The following BAZ1B variants were observed in gnomAD, a reference collection of about 807,000 sequenced individuals.
The protein encoded by BAZ1B is bromodomain adjacent to zinc finger domain 1B.
BAZ1B carries 22 observed loss-of-function variants against 153.8 expected under a neutral mutation model. The ratio of observed to expected loss-of-function variants is 0.14; its 90% CI spans 0.10 to 0.20. BAZ1B has a LOEUF of 0.20. Ranked by LOEUF, BAZ1B falls within the 10% of genes least tolerant of loss-of-function variation. The pLI is 1.00. For missense variants in BAZ1B, 1,325 were observed against 1,799.3 expected (o/e 0.74, Z 4.77); for synonymous variants, 676 against 633.4 (o/e 1.07, Z -1.01).
At chr7:73,480,727 T>G (rs941965531) in intron 6 of BAZ1B, among the ~76,000 whole-genome samples, 3 of 152,066 alleles carry the variant, frequency 2.0e-5, no homozygotes, top group Non-Finnish European at 4.4e-5. Flanking sequence ...GTTAGGCTAG[T>G]TTGAGATGAG....
At chr7:73,445,977 C>T (rs1787819529) in intron 16 of BAZ1B, among the ~76,000 whole-genome samples, 1 of 152,154 alleles carries the variant, frequency 6.6e-6, no homozygotes, top group African/African-American at 2.4e-5. Context: ...TTCACTTACC[C>T]TAGGATACCT....
intron 6 of BAZ1B, among the ~76,000 whole-genome samples, chr7:73,483,435 G>A (rs1554573998): frequency 1.3e-5 from 2 of 152,078 alleles, no homozygotes; most frequent in Non-Finnish European, 2.9e-5. Context: ...AGAACTCTGA[G>A]GACAACACTC....
rs567197673 is a variant in BAZ1B at position 73,445,172 on chromosome 7, C to T, written c.3845-1043G>A. Among the ~76,000 whole-genome samples, 52 of 152,324 alleles carry T rather than the reference C, an allele frequency of 3.4e-4. No individual in the cohort carries two copies. In the South Asian group the frequency reaches 7.2e-3, roughly 21 times the overall value. On this transcript the variant is annotated intron_variant, in intron 16 of 19. Coordinates refer to ENST00000339594, the MANE Select transcript of BAZ1B (RefSeq NM_032408.4). ...GATTTAGCTCCAGGCTCTCCACCACCTTCCCTTGGGGAGTGGGGAGATGAC... is the reference window on the plus strand; with the variant it reads ...GATTTAGCTCCAGGCTCTCCACCACTTTCCCTTGGGGAGTGGGGAGATGAC...
intron 3 of BAZ1B, among the ~76,000 whole-genome samples, chr7:73,500,846 G>A (rs185899704): frequency 1.3e-5 from 2 of 150,200 alleles, no homozygotes; most frequent in African/African-American, 2.5e-5. Flanking sequence ...AGCCGAGATC[G>A]CGCCATTGCA....
chr7:73,444,164 C>T (rs557387252), intron 16 of BAZ1B, 35 bp from the exon 17 acceptor site: 33 of 1,551,482 alleles, frequency 2.1e-5, no homozygotes, highest in Middle Eastern at 1.7e-4. Context: ...CAGAGAACAA[C>T]GGAAGGTGAA....
Position 73,522,068 on chromosome 7 carries a change from C to A in BAZ1B, c.-135G>T. On this transcript the variant is annotated 5_prime_UTR_variant, in exon 1 of 20. Transcript: ENST00000339594. The stretch of plus-strand genomic sequence containing the variant: ...GGGAGGGGTGAGAGGGCGGCGCGAA[C>A]TCCGGCTCCCTCACCGCCGGCGCGG... 1.9e-6 allele frequency: 1 copy of A among 536,640 alleles called. No individual in the cohort carries two copies. Among genetic ancestry groups the A allele is most frequent in the Non-Finnish European group, 2.8e-6 (1 of 353,716 alleles). The allele number at this position is 536,640 out of a possible 1,614,324, so 33.2% of individuals were successfully genotyped here. A position where few individuals can be genotyped will look rare whatever the true frequency, so the allele number is the denominator to read the frequency against.
At chr7:73,504,994 T>C (rs1790277616) in intron 3 of BAZ1B, among the ~76,000 whole-genome samples, 1 of 152,192 alleles carries the variant, frequency 6.6e-6, no homozygotes, top group South Asian at 2.1e-4. Context: ...CCCCATCAAG[T>C]ACTGGCTATT....
chr7:73,508,294 G>A, intron 3 of BAZ1B, 33 bp downstream of exon 3: 1 of 1,604,544 alleles, frequency 6.2e-7, no homozygotes, highest in African/African-American at 1.3e-5. Flanking sequence ...TAATTCTGAT[G>A]GTAAGTCAAA....
At chr7:73,497,766 G>C (rs900080958) in intron 4 of BAZ1B, among the ~76,000 whole-genome samples, 108 of 152,090 alleles carry the variant, frequency 7.1e-4, no homozygotes, top group Non-Finnish European at 1.5e-3. Flanking sequence ...TGTTGTTCAA[G>C]GGTGAGCTGT....
At chr7:73,466,225 T>C (rs1436627809) in intron 10 of BAZ1B, 71 bp downstream of exon 10, 4 of 1,118,658 alleles carry the variant, frequency 3.6e-6, no homozygotes, top group Non-Finnish European at 5.4e-6. Flanking sequence ...CTGGCATCAC[T>C]ATACTAAATA....
At chr7:73,505,480 T>C (rs782817194) in intron 3 of BAZ1B, among the ~76,000 whole-genome samples, 2 of 152,186 alleles carry the variant, frequency 1.3e-5, no homozygotes, top group Non-Finnish European at 2.9e-5. Flanking sequence ...ACTAAAGTGT[T>C]GTACCTCATG....
intron 8 of BAZ1B, 117 bp from the exon 9 acceptor site, chr7:73,469,767 A>T: frequency 3.3e-6 from 4 of 1,222,946 alleles, no homozygotes; most frequent in Admixed American, 3.9e-5. Context: ...CAGTTTACAG[A>T]ATTCTTCCTC....
rs202074654 is a variant in BAZ1B at position 73,442,594 on chromosome 7, C to T, written c.4095-41G>A. ...AAATGGAGAATCTGCACAGCCTTGA[C>T]GGCAGTGCCCCTGCCACTGAGACAC... On this transcript the variant is annotated intron_variant, in intron 18 of 19. Transcript: ENST00000339594. 1.1e-4 allele frequency: 172 copies of T among 1,567,012 alleles called. 2 individuals carry two copies. The highest frequency in any genetic ancestry group is 4.7e-4 in the East Asian group (21 of 44,448).
intron 16 of BAZ1B, among the ~76,000 whole-genome samples, chr7:73,445,481 A>C (rs1554566294): frequency 1.3e-5 from 2 of 152,178 alleles, no homozygotes; most frequent in Non-Finnish European, 2.9e-5. Context: ...AAAACTTAGA[A>C]AAGCAATTCC....
intron 6 of BAZ1B, among the ~76,000 whole-genome samples, chr7:73,479,506 C>A (rs1463260958): frequency 8.9e-5 from 11 of 123,150 alleles, no homozygotes; most frequent in African/African-American, 3.1e-4. Context: ...AGACCCCCGT[C>A]TCAAAAAAAA....
At position 73,522,013 on chromosome 7, in the gene BAZ1B, C is replaced by A. The variant is rs1791078934; in HGVS notation, c.-80G>T. On this transcript the variant is annotated 5_prime_UTR_variant, in exon 1 of 20. Transcript: ENST00000339594. ...ACTAGGCCCCGCGGCCCGGAGCGAG[C>A]GCCAGGCGCCCGGGGGTGGGGTGGG... 2.1e-5 allele frequency: 22 copies of A among 1,036,196 alleles called. No homozygotes were observed. Among genetic ancestry groups the A allele is most frequent in the Non-Finnish European group, 2.7e-5 (22 of 812,644 alleles). 64.2% of individuals were successfully genotyped at this position (1,036,196 alleles called of 1,614,324 possible). A position where few individuals can be genotyped will look rare whatever the true frequency, so the allele number is the denominator to read the frequency against.
At chr7:73,464,700 T>C (rs139099666) in intron 11 of BAZ1B, among the ~76,000 whole-genome samples, 1,911 of 152,250 alleles carry the variant, frequency 0.013, 43 homozygotes, top group African/African-American at 0.044. Flanking sequence ...TATTCCACTA[T>C]TTGAATATAC....
chr7:73,467,422 T>G (rs1341332351), intron 9 of BAZ1B, among the ~76,000 whole-genome samples: 1 of 152,158 alleles, frequency 6.6e-6, no homozygotes, highest in South Asian at 2.1e-4. Context: ...CAGGCTGCAG[T>G]GCAGTGGCGC....
At chr7:73,462,817 C>G in intron 12 of BAZ1B, 105 bp downstream of exon 12, 1 of 1,258,262 alleles carries the variant, frequency 7.9e-7, no homozygotes, top group Non-Finnish European at 1.1e-6. Flanking sequence ...ATCCAAACAT[C>G]TGATTTCCAG....
Sources: gnomAD v4.1 joint callset for allele counts (sites outside exome capture counted in the v4.1 genomes callset) on GRCh38, gnomAD v4.1.1 for gene constraint, MANE v1.5 for transcripts, NCBI Gene and HGNC (gene_info 2026-07-23, HGNC 2026-07-21) for gene names.